The following GLS2 variants were observed in gnomAD, a reference collection of about 807,000 sequenced individuals.
GLS2 encodes glutaminase 2.
GLS2 carries 52 observed loss-of-function variants against 79.0 expected under a neutral mutation model. The observed-to-expected ratio is 0.66, with a 90% CI of 0.53 to 0.83. The LOEUF is 0.83. GLS2 is among the 40% of genes least tolerant of loss of function. GLS2 has a pLI of 0.00. For synonymous variants in GLS2, 238 were observed against 280.8 expected (o/e 0.85, Z 1.52); for missense variants, 561 against 764.8 (o/e 0.73, Z 3.14).
At chr12:56,472,273 A>G in intron 15 of GLS2, 78 bp from the exon 16 acceptor site, 3 of 1,318,902 alleles carry the variant, frequency 2.3e-6, no homozygotes, top group Non-Finnish European at 3.3e-6. Flanking sequence ...CTGGTGTCAG[A>G]CTGGATGAGT....
intron 10 of GLS2, 23 bp downstream of exon 10, chr12:56,475,021 C>T (rs778336292): frequency 6.2e-7 from 1 of 1,614,060 alleles, no homozygotes; most frequent in Admixed American, 1.7e-5. Context: ...CAGGGACTTT[C>T]TCTTCCGGCC....
rs1300041832 is a variant in GLS2, at chr12:56,474,830, A to G, written c.1047+16T>C. On this transcript the variant is annotated intron_variant, in intron 11 of 17. Coordinates refer to ENST00000311966, the MANE Select transcript of GLS2 (RefSeq NM_013267.4). The stretch of plus-strand genomic sequence containing the variant: ...AGTCTGTCCTGTTCCCTCGGCCCTG[A>G]GCAGTGTTTTCTTACCTGGAAGTAG... 1 of 1,613,418 alleles carries G rather than the reference A, an allele frequency of 6.2e-7. No homozygotes were observed. The highest frequency in any genetic ancestry group is 1.1e-5 in the South Asian group (1 of 91,056).
At chr12:56,485,751 C>T (rs182904265) in intron 1 of GLS2, among the ~76,000 whole-genome samples, 1 of 151,958 alleles carries the variant, frequency 6.6e-6, no homozygotes, top group African/African-American at 2.4e-5. Context: ...CTTTTAAAGT[C>T]ATAAATATGG....
In GLS2 at chr12:56,488,135, G is replaced by T; in HGVS notation, c.-17C>A. On this transcript the variant is annotated 5_prime_UTR_variant, in exon 1 of 18. Coordinates refer to ENST00000311966, the MANE Select transcript of GLS2 (RefSeq NM_013267.4). ...GGAGCGCATGCCCCAGCAAGCCTCC[G>T]GCTCTGCAGGTGCGCCCGGGACCTC... 1 of 1,521,096 alleles carries T rather than the reference G, an allele frequency of 6.6e-7. No individual in the cohort carries two copies. Among genetic ancestry groups the T allele is most frequent in the Non-Finnish European group, 8.7e-7 (1 of 1,143,196 alleles). The allele number at this position is 1,521,096 out of a possible 1,614,324, so 94.2% of individuals were successfully genotyped here.
Position 56,473,480 on chromosome 12 carries a change from C to T in GLS2, c.1339G>A (p.Gly447Arg). ...CATCTCACCTGGCAGAAGCTGGTCC[C>T]CCTATGGCTGTTCCCCAGCTTGTCC... ...PLDKLGNSHRGTSFCQKLVSL... is the reference protein window; with the variant it reads ...PLDKLGNSHRRTSFCQKLVSL... Residue 447 changes from glycine (G) to arginine (R), a missense_variant, in exon 13 of 18, where the codon GGG (glycine) becomes AGG (arginine). Gly to Arg is a moderately radical substitution (Grantham distance 125). Transcript: ENST00000311966. The T allele has an allele frequency of 6.2e-7, 1 of 1,613,846 alleles. No homozygotes were observed. Among genetic ancestry groups the T allele is most frequent in the Non-Finnish European group, 8.5e-7 (1 of 1,179,872 alleles).
rs538969459 is a variant in GLS2 at position 56,473,096 on chromosome 12, A to G, written c.1449+132T>C. The G allele has an allele frequency of 1.2e-4, 98 of 797,952 alleles. 2 individuals are homozygous for G. The South Asian group carries it at 1.3e-3, about 11-fold the overall frequency. 49.4% of individuals were successfully genotyped at this position (797,952 alleles called of 1,614,324 possible). ...AATAGAGACCAGGTTTCACCGTGTTAGCCAGGATGGTCTTGATCTCCTGAC... is the reference window on the plus strand; with the variant it reads ...AATAGAGACCAGGTTTCACCGTGTTGGCCAGGATGGTCTTGATCTCCTGAC... On this transcript the variant is annotated intron_variant, in intron 14 of 17. Transcript: ENST00000311966.
At chr12:56,481,396 C>T (rs560750189) in intron 1 of GLS2, among the ~76,000 whole-genome samples, 14 of 150,714 alleles carry the variant, frequency 9.3e-5, no homozygotes, top group African/African-American at 2.7e-4. Context: ...TTAGTAGAGA[C>T]GGGGTTTCAC....
At chr12:56,472,036 G>C (rs929748960) in intron 16 of GLS2, 83 bp downstream of exon 16, 1 of 1,470,948 alleles carries the variant, frequency 6.8e-7, no homozygotes, top group Non-Finnish European at 9.5e-7. Context: ...TAACCTTGAG[G>C]GCACATATAA....
chr12:56,472,523 A>T, intron 15 of GLS2, 167 bp downstream of exon 15: 2 of 639,574 alleles, frequency 3.1e-6, no homozygotes, highest in Non-Finnish European at 5.5e-6. Flanking sequence ...CAGACAGTTT[A>T]CTTTTTTTAA....
rs747805516 is a variant in GLS2 at position 56,487,743 on chromosome 12, C to G, written c.182+194G>C. 139 of 689,732 alleles carry G rather than the reference C, an allele frequency of 2.0e-4. 1 individual carries two copies. The highest frequency in any genetic ancestry group is 2.9e-4 in the Non-Finnish European group (126 of 427,834). 42.7% of individuals were successfully genotyped at this position (689,732 alleles called of 1,614,324 possible). On this transcript the variant is annotated intron_variant, in intron 1 of 17. Transcript: ENST00000311966. Reference sequence around the variant, plus strand: ...CAGGACCCGCTTGCCCGAACGCACTCCTAGGCAGACGGCAGATTACCGCCC... The same window carrying G: ...CAGGACCCGCTTGCCCGAACGCACTGCTAGGCAGACGGCAGATTACCGCCC...
At chr12:56,471,730 A>T (rs374641547) in intron 17 of GLS2, 43 bp downstream of exon 17, 8 of 1,612,188 alleles carry the variant, frequency 5.0e-6, no homozygotes, top group Non-Finnish European at 5.9e-6. Context: ...GGGTAGGTGG[A>T]GAAGCTGTGC....
intron 1 of GLS2, among the ~76,000 whole-genome samples, chr12:56,486,612 A>G (rs1870706487): frequency 6.6e-6 from 1 of 152,198 alleles, no homozygotes. Flanking sequence ...AGGCTGAGGC[A>G]GGCGGATCAC....
chr12:56,479,207 G>A (rs1273810531), intron 3 of GLS2, 26 bp from the exon 4 acceptor site: 1 of 1,610,228 alleles, frequency 6.2e-7, no homozygotes, highest in African/African-American at 1.3e-5. Context: ...GATTGGATTA[G>A]GGGGCTAGAG....
chr12:56,487,923 C>T lies in GLS2; in HGVS notation c.182+14G>A. 1.2e-6 allele frequency: 2 copies of T among 1,600,722 alleles called. No individual in the cohort carries two copies. The highest frequency in any genetic ancestry group is 1.1e-5 in the South Asian group (1 of 90,822). On this transcript the variant is annotated intron_variant, in intron 1 of 17. Transcript: ENST00000311966. ...GGGGCAAGCCCGTCCCCTGCCCTGTCCCAGGAGCCTTACTGATCCTGGTGC... is the reference window on the plus strand; with the variant it reads ...GGGGCAAGCCCGTCCCCTGCCCTGTTCCAGGAGCCTTACTGATCCTGGTGC...
At chr12:56,482,540 T>G (rs959868409) in intron 1 of GLS2, among the ~76,000 whole-genome samples, 1 of 152,226 alleles carries the variant, frequency 6.6e-6, no homozygotes, top group African/African-American at 2.4e-5. Flanking sequence ...GAATCTCCCT[T>G]GCTCCACAGT....
In GLS2 at chr12:56,478,265, G is replaced by A; in HGVS notation, c.535-3C>T. On this transcript the variant is annotated splice_region_variant and splice_polypyrimidine_tract_variant and intron_variant, in intron 4 of 17. Coordinates refer to ENST00000311966, the MANE Select transcript of GLS2 (RefSeq NM_013267.4). Reference sequence around the variant, plus strand: ...AGCTGAGGGATGTAGGCTGCCACCTGGACATGAGTGGGTAGAGAAAAGGGA... The same window carrying A: ...AGCTGAGGGATGTAGGCTGCCACCTAGACATGAGTGGGTAGAGAAAAGGGA... 1.2e-6 allele frequency: 2 copies of A among 1,614,080 alleles called. No homozygotes were observed. The highest frequency in any genetic ancestry group is 1.7e-6 in the Non-Finnish European group (2 of 1,179,922).
Position 56,475,068 on chromosome 12 carries a change from G to A in GLS2, c.972C>T (p.Ile324=), listed in dbSNP as rs559073025. The A allele has an allele frequency of 6.8e-6, 11 of 1,613,968 alleles. No individual in the cohort carries two copies. Among genetic ancestry groups the A allele is most frequent in the African/African-American group, 4.0e-5 (3 of 74,888 alleles). ...CCTTCTTTTCCTTGAGATAATAGCC[G>A]ATGGCATAATTCCGATCCCCTGTTT... The part of the protein sequence containing the change: ...EKETGDRNYA[I]GYYLKEKKCF... The change falls in exon 10 of 18, where the codon ATC becomes ATT. Residue 324 remains isoleucine, a synonymous_variant. Transcript: ENST00000311966.
intron 12 of GLS2, 62 bp downstream of exon 12, chr12:56,474,482 T>A (rs902199749): frequency 1.3e-5 from 21 of 1,583,832 alleles, no homozygotes; most frequent in East Asian, 8.9e-5. Flanking sequence ...CTTGAGAGAG[T>A]CAGTGTTCTC....
At chr12:56,472,630 C>T in intron 15 of GLS2, 60 bp downstream of exon 15, 2 of 1,460,718 alleles carry the variant, frequency 1.4e-6, no homozygotes, top group Non-Finnish European at 1.9e-6. Flanking sequence ...TACGCTGCCT[C>T]CTAGTAAAAT....
Sources: gnomAD v4.1 joint callset for allele counts (sites outside exome capture counted in the v4.1 genomes callset) on GRCh38, gnomAD v4.1.1 for gene constraint, MANE v1.5 for transcripts, NCBI Gene and HGNC (gene_info 2026-07-23, HGNC 2026-07-21) for gene names.